UBE4B: variants seen among roughly 807,000 people sequenced by gnomAD.
The protein encoded by UBE4B is ubiquitin conjugation factor E4 B.
Under a neutral mutation model 148.1 loss-of-function variants are expected in UBE4B, and 27 were observed. The observed-to-expected ratio is 0.18, with a 90% CI of 0.13 to 0.25. The LOEUF (loss-of-function observed/expected upper bound fraction) is 0.25, where lower values mean the gene tolerates loss of function less well. Among genes scored for constraint, UBE4B ranks in the 10% least tolerant of loss-of-function variants. The pLI is 1.00. For missense variants in UBE4B, 1,170 were observed against 1,662.4 expected, an observed-to-expected ratio of 0.70 and a Z score of 5.15; for synonymous variants, 596 against 619.3, an observed-to-expected ratio of 0.96 and a Z score of 0.56.
At chr1:10,082,973 G>A (rs1210570043) in intron 2 of UBE4B, among the ~76,000 whole-genome samples, 1 of 152,028 alleles carries the variant, frequency 6.6e-6, no homozygotes, top group Admixed American at 6.6e-5. Context: ...CCATGTCCCT[G>A]CAAAGGACAT....
chr1:10,154,204 C>T (rs1367383978), intron 21 of UBE4B, among the ~76,000 whole-genome samples: 1 of 151,702 alleles, frequency 6.6e-6, no homozygotes, highest in African/African-American at 2.4e-5. Context: ...GATCGCGCTA[C>T]TGCACTTCAG....
At chr1:10,050,044 AT>A (rs1448879108) in intron 1 of UBE4B, among the ~76,000 whole-genome samples, 2 of 152,174 alleles carry the variant, frequency 1.3e-5, no homozygotes, top group Non-Finnish European at 2.9e-5. Flanking sequence ...GATGGCAAAT[AT>A]GGGATATTGG....
Position 10,105,734 on chromosome 1 carries a change from T to A in UBE4B, c.799T>A (p.Ser267Thr). ...FCSVASFGAS[S>T]LSSLYESSPA... Reference sequence around the variant, plus strand: ...CAGCGTGGCTTCCTTTGGTGCCAGCTCTTTGTCTAGGTCAGTGTGGTTCTC... The same window carrying A: ...CAGCGTGGCTTCCTTTGGTGCCAGCACTTTGTCTAGGTCAGTGTGGTTCTC... The change falls in exon 6 of 28, where the codon TCT becomes ACT. Residue 267 changes from serine to threonine, a missense_variant. Transcript: ENST00000343090. 1.9e-6 allele frequency: 3 copies of A among 1,613,778 alleles called. No individual in the cohort carries two copies. Among genetic ancestry groups the A allele is most frequent in the Non-Finnish European group, 2.5e-6 (3 of 1,180,024 alleles).
rs987387565 is a variant in UBE4B, at chr1:10,119,471, T to C, written c.1339-42T>C. The C allele has an allele frequency of 1.9e-6, 3 of 1,587,312 alleles. No individual in the cohort carries two copies. In the Admixed American group the frequency reaches 5.0e-5, roughly 27 times the overall value. On this transcript the variant is annotated intron_variant, in intron 8 of 27. Transcript: ENST00000343090. Reference sequence around the variant, plus strand: ...TATTTTTAACAGCATGGAATTGTATTGTTTGTTTCTTGTCGTCCTCACTTC... The same window carrying C: ...TATTTTTAACAGCATGGAATTGTATCGTTTGTTTCTTGTCGTCCTCACTTC...
rs1570899919 is a variant in UBE4B at position 10,106,165 on chromosome 1, C to G, written c.810-32C>G. The G allele has an allele frequency of 1.3e-6, 2 of 1,522,076 alleles. No homozygotes were observed. The highest frequency in any genetic ancestry group is 2.6e-5 in the South Asian group (2 of 77,346). 94.3% of individuals were successfully genotyped at this position (1,522,076 alleles called of 1,614,324 possible). On this transcript the variant is annotated intron_variant, in intron 6 of 27. Coordinates refer to ENST00000343090, the MANE Select transcript of UBE4B (RefSeq NM_001105562.3). This position sits in a 1 kb window ranked among gnomAD's most constrained non-coding sequence, Gnocchi z 4.2. The stretch of plus-strand genomic sequence containing the variant: ...TATCTCAAGTTTTTCTTTGATTTTT[C>G]TCTTCTTTCCTCCCTTTCTCAACTA...
At chr1:10,177,782 G>A (rs1045273297) in intron 25 of UBE4B, among the ~76,000 whole-genome samples, 2 of 152,054 alleles carry the variant, frequency 1.3e-5, no homozygotes, top group Non-Finnish European at 2.9e-5. Flanking sequence ...TGCCATATAT[G>A]TTTTACTATA....
intron 1 of UBE4B, among the ~76,000 whole-genome samples, chr1:10,043,593 A>AT (rs925421560): frequency 6.6e-5 from 10 of 150,476 alleles, no homozygotes; most frequent in Admixed American, 2.7e-4. Flanking sequence ...AGCCTGACTA[A>AT]TTTTTTTTGT....
chr1:10,102,985 C>A lies in UBE4B; in HGVS notation c.473C>A (p.Ala158Asp). ...GGCCCTGAAGTGTCTGAAGAGCAGG[C>A]CTTACAGCTGGTCTGTAAGATCTTC... ...SSGPEVSEEQALQLVCKIFRV... is the reference protein window; with the variant it reads ...SSGPEVSEEQDLQLVCKIFRV... The change falls in exon 5 of 28, where the codon GCC (alanine) becomes GAC (aspartate). Residue 158 changes from alanine (A) to aspartate (D), a missense_variant. Physicochemically the swap from Ala to Asp is moderately radical, Grantham distance 126. Around this residue, in one of 6 missense-constraint regions of UBE4B, gnomAD observed 91 missense variants for 120.5 expected, o/e 0.76. Coordinates refer to ENST00000343090, the MANE Select transcript of UBE4B (RefSeq NM_001105562.3). The A allele has an allele frequency of 6.2e-7, 1 of 1,613,592 alleles. No individual in the cohort carries two copies. Among genetic ancestry groups the A allele is most frequent in the Non-Finnish European group, 8.5e-7 (1 of 1,179,756 alleles).
Position 10,062,222 on chromosome 1 carries a change from A to G in UBE4B, c.25-9806A>G, listed in dbSNP as rs569724556. 2.0e-4 allele frequency among the ~76,000 whole-genome samples: 30 copies of G among 151,996 alleles called. No individual in the cohort carries two copies. In the East Asian group the frequency reaches 5.6e-3, roughly 29 times the overall value. ...CACACCCGGCCCTATTTTTTCTACCATCATTTTGCTTGTGTCCTAATTTCC... is the reference window on the plus strand; with the variant it reads ...CACACCCGGCCCTATTTTTTCTACCGTCATTTTGCTTGTGTCCTAATTTCC... On this transcript the variant is annotated intron_variant, in intron 1 of 27. Coordinates refer to ENST00000343090, the MANE Select transcript of UBE4B (RefSeq NM_001105562.3).
At chr1:10,175,623 C>G (rs183771579) in intron 25 of UBE4B, among the ~76,000 whole-genome samples, 1 of 151,810 alleles carries the variant, frequency 6.6e-6, no homozygotes, top group African/African-American at 2.4e-5. Flanking sequence ...TGCACTCCAG[C>G]CTGGGCGACA....
chr1:10,071,892 T>C (rs1644492547), intron 1 of UBE4B, 136 bp from the exon 2 acceptor site: 1 of 825,698 alleles, frequency 1.2e-6, no homozygotes, highest in African/African-American at 1.8e-5. Context: ...GAGCGAGTTA[T>C]TCTCTCAGAA....
chr1:10,037,633 C>T (rs560376519), intron 1 of UBE4B, among the ~76,000 whole-genome samples: 11 of 152,098 alleles, frequency 7.2e-5, no homozygotes, highest in African/African-American at 2.6e-4. Flanking sequence ...TCTTGGCTCA[C>T]TGCAACCTCT....
At chr1:10,036,088 T>G in intron 1 of UBE4B, among the ~76,000 whole-genome samples, 1 of 151,820 alleles carries the variant, frequency 6.6e-6, no homozygotes, top group Non-Finnish European at 1.5e-5. Flanking sequence ...ATTACTTTTT[T>G]TTTTTTTTTT....
At chr1:10,041,335 C>CTTTT (rs573440480) in intron 1 of UBE4B, among the ~76,000 whole-genome samples, 250 of 132,130 alleles carry the variant, frequency 1.9e-3, no homozygotes, top group Non-Finnish European at 3.2e-3. Context: ...TTTTGGCATT[C>CTTTT]TTTTTTTTTT....
intron 10 of UBE4B, 78 bp from the exon 11 acceptor site, chr1:10,126,716 C>T: frequency 7.9e-7 from 1 of 1,269,892 alleles, no homozygotes; most frequent in South Asian, 1.3e-5. Context: ...ACATTCAGTT[C>T]TAGCACCTTA....
At position 10,106,065 on chromosome 1, in the gene UBE4B, G is replaced by T; in HGVS notation, c.810-132G>T. ...AGGGCAATTAGATTATAATTATTTA[G>T]ATGTTTATCTGCTAGATATACTTGA... On this transcript the variant is annotated intron_variant, in intron 6 of 27. Transcript: ENST00000343090. The surrounding 1 kb of genome is among the most constrained non-coding windows in gnomAD (Gnocchi z 4.2). 9.5e-7 allele frequency: 1 copy of T among 1,052,264 alleles called. No individual in the cohort carries two copies. The highest frequency in any genetic ancestry group is 1.7e-5 in the South Asian group (1 of 59,636). 65.2% of individuals were successfully genotyped at this position (1,052,264 alleles called of 1,614,324 possible). A position where few individuals can be genotyped will look rare whatever the true frequency, so the allele number is the denominator to read the frequency against.
intron 1 of UBE4B, among the ~76,000 whole-genome samples, chr1:10,036,551 T>G (rs1643542596): frequency 6.6e-6 from 1 of 151,858 alleles, no homozygotes; most frequent in African/African-American, 2.4e-5. Flanking sequence ...CCCAGGATGG[T>G]CTCAAACTCC....
intron 7 of UBE4B, among the ~76,000 whole-genome samples, chr1:10,115,573 A>G (rs1385659284): frequency 2.0e-5 from 3 of 152,156 alleles, no homozygotes; most frequent in East Asian, 1.9e-4. Context: ...CGTTTGGCCA[A>G]TATCATACCT....
At chr1:10,146,471 C>T (rs1336139126) in intron 18 of UBE4B, among the ~76,000 whole-genome samples, 1 of 152,024 alleles carries the variant, frequency 6.6e-6, no homozygotes, top group Non-Finnish European at 1.5e-5. Flanking sequence ...AAATAAGAAA[C>T]ATAAAAACTG....
Sources: gnomAD v4.1 joint callset for allele counts (sites outside exome capture counted in the v4.1 genomes callset) on GRCh38, gnomAD v4.1.1 for gene constraint, gnomAD v4.1.1 regional missense constraint, Gnocchi (gnomAD v3.1) non-coding constraint, MANE v1.5 for transcripts, NCBI Gene and HGNC (gene_info 2026-07-23, HGNC 2026-07-21) for gene names.